ADCY2: variants seen among roughly 807,000 people sequenced by gnomAD.
ADCY2 encodes the protein adenylate cyclase 2, also known as adenylate cyclase type 2.
A neutral mutation model predicts 125.2 loss-of-function variants in ADCY2; 31 were observed. That is an observed-to-expected ratio of 0.25 (90% confidence interval 0.19 to 0.33). The LOEUF is 0.33. Ranked by LOEUF, ADCY2 falls within the 10% of genes least tolerant of loss-of-function variation. The pLI, the probability that ADCY2 is intolerant of heterozygous loss-of-function variation, is 1.00. For synonymous variants in ADCY2, 512 were observed against 548.4 expected, an observed-to-expected ratio of 0.93 and a Z score of 0.93; for missense variants, 904 against 1,418.2, an observed-to-expected ratio of 0.64 and a Z score of 5.82.
At chr5:7,822,214 T>G (rs1204413588) in intron 24 of ADCY2, among the ~76,000 whole-genome samples, 2 of 152,252 alleles carry the variant, frequency 1.3e-5, no homozygotes, top group Non-Finnish European at 2.9e-5. Flanking sequence ...AAGGTTTAGA[T>G]GTAACTTTAA....
chr5:7,522,770 A>G (rs1254173765), intron 3 of ADCY2: 1 of 88,972 alleles, frequency 1.1e-5, no homozygotes, highest in Non-Finnish European at 2.5e-5. Flanking sequence ...AAAAAAAAAA[A>G]AAAAAATTAG....
At position 7,820,786 on chromosome 5, in the gene ADCY2, A is replaced by C; in HGVS notation, c.3123+97A>C. 2.2e-6 allele frequency: 3 copies of C among 1,360,474 alleles called. No homozygotes were observed. The South Asian group carries it at 5.9e-5, about 27-fold the overall frequency. The allele number at this position is 1,360,474 out of a possible 1,614,324, so 84.3% of individuals were successfully genotyped here. A position where few individuals can be genotyped will look rare whatever the true frequency, so the allele number is the denominator to read the frequency against. On this transcript the variant is annotated intron_variant, in intron 24 of 24. Transcript: ENST00000338316. Reference sequence around the variant, plus strand: ...ATAAGGATACTAATATATTAAAACAAAGGAAAAAAGTAAACCTTGAAATTT... The same window carrying C: ...ATAAGGATACTAATATATTAAAACACAGGAAAAAAGTAAACCTTGAAATTT...
At chr5:7,535,902 T>C (rs1734797557) in intron 3 of ADCY2, among the ~76,000 whole-genome samples, 1 of 152,192 alleles carries the variant, frequency 6.6e-6, no homozygotes, top group Non-Finnish European at 1.5e-5. Flanking sequence ...TCTGGAACAA[T>C]AGAGATCACC....
intron 2 of ADCY2, among the ~76,000 whole-genome samples, chr5:7,415,450 G>A (rs115877590): frequency 1.3e-5 from 2 of 152,100 alleles, no homozygotes; most frequent in Admixed American, 6.6e-5. Flanking sequence ...CCACAGTTTC[G>A]ACAACTCAGT....
At chr5:7,409,439 T>C (rs1170558119) in intron 1 of ADCY2, among the ~76,000 whole-genome samples, 1 of 152,206 alleles carries the variant, frequency 6.6e-6, no homozygotes, top group African/African-American at 2.4e-5. Flanking sequence ...ATTCTAAAGG[T>C]TATTCAGAAT....
intron 4 of ADCY2, among the ~76,000 whole-genome samples, chr5:7,631,612 A>T (rs112091719): frequency 0.023 from 3,436 of 152,264 alleles, 133 homozygotes; most frequent in African/African-American, 0.078. Context: ...AAGCATCCAA[A>T]ATGGTATCCT....
intron 20 of ADCY2, among the ~76,000 whole-genome samples, chr5:7,792,204 T>C (rs1744269182): frequency 8.4e-6 from 1 of 119,122 alleles, no homozygotes; most frequent in Admixed American, 1.1e-4. Flanking sequence ...AAACCCCGTC[T>C]CTACTAAAAA....
At chr5:7,466,037 A>G (rs1387250541) in intron 2 of ADCY2, among the ~76,000 whole-genome samples, 1 of 152,214 alleles carries the variant, frequency 6.6e-6, no homozygotes, top group Non-Finnish European at 1.5e-5. Flanking sequence ...ACCTCTTTAA[A>G]ATAGCTTTTC....
chr5:7,677,704 A>G (rs1487898210), intron 4 of ADCY2, among the ~76,000 whole-genome samples: 1 of 152,142 alleles, frequency 6.6e-6, no homozygotes, highest in African/African-American at 2.4e-5. Flanking sequence ...CAATCATGGG[A>G]TTGTTGACAG....
At chr5:7,746,817 A>C (rs545867145) in intron 15 of ADCY2, among the ~76,000 whole-genome samples, 2 of 152,226 alleles carry the variant, frequency 1.3e-5, no homozygotes, top group South Asian at 4.1e-4. Context: ...TTCATAAAGG[A>C]AGCTGAAGAG....
At chr5:7,698,836 T>C (rs1277492515) in intron 7 of ADCY2, among the ~76,000 whole-genome samples, 1 of 152,220 alleles carries the variant, frequency 6.6e-6, no homozygotes, top group Non-Finnish European at 1.5e-5. Context: ...TGAACAGTCC[T>C]GCAATAAACA....
intron 12 of ADCY2, 40 bp from the exon 13 acceptor site, chr5:7,724,505 A>C (rs1307381882): frequency 6.8e-7 from 1 of 1,468,728 alleles, no homozygotes; most frequent in African/African-American, 1.4e-5. Flanking sequence ...GTTTGATTGG[A>C]GATTCAGTTT....
intron 4 of ADCY2, among the ~76,000 whole-genome samples, chr5:7,667,788 C>T (rs755186104): frequency 3.9e-5 from 6 of 152,150 alleles, no homozygotes; most frequent in Admixed American, 1.3e-4. Context: ...ATTTAACCTC[C>T]CTCCCTCTAT....
At chr5:7,697,785 C>T (rs926462579) in intron 6 of ADCY2, among the ~76,000 whole-genome samples, 11 of 152,126 alleles carry the variant, frequency 7.2e-5, no homozygotes, top group African/African-American at 2.7e-4. Context: ...AGGTAAGAAT[C>T]AGCTTTGGAT....
chr5:7,697,507 T>C (rs1740933215), intron 6 of ADCY2, among the ~76,000 whole-genome samples: 1 of 152,178 alleles, frequency 6.6e-6, no homozygotes, highest in Non-Finnish European at 1.5e-5. Context: ...ACTGTAACTG[T>C]CATGTTTTCT....
chr5:7,570,346 T>C (rs1467352437), intron 3 of ADCY2, among the ~76,000 whole-genome samples: 2 of 152,182 alleles, frequency 1.3e-5, no homozygotes, highest in African/African-American at 4.8e-5. Flanking sequence ...TTTAACATCC[T>C]ATAATTTTGT....
intron 11 of ADCY2, among the ~76,000 whole-genome samples, chr5:7,715,406 A>G (rs1741564576): frequency 1.3e-5 from 2 of 152,188 alleles, no homozygotes; most frequent in Non-Finnish European, 2.9e-5. Flanking sequence ...TAGACTTTGC[A>G]GAAGAGAAAG....
intron 2 of ADCY2, among the ~76,000 whole-genome samples, chr5:7,435,132 T>C (rs1015256101): frequency 2.0e-5 from 3 of 152,208 alleles, no homozygotes; most frequent in African/African-American, 7.2e-5. Context: ...AGTATCACTG[T>C]CACACTATGT....
intron 4 of ADCY2, among the ~76,000 whole-genome samples, chr5:7,643,115 C>T (rs1738768913): frequency 6.6e-6 from 1 of 151,592 alleles, no homozygotes; most frequent in Non-Finnish European, 1.5e-5. Flanking sequence ...TTTCTTTAGC[C>T]TTCCCATTCA....
Sources: gnomAD v4.1 joint callset for allele counts (sites outside exome capture counted in the v4.1 genomes callset) on GRCh38, gnomAD v4.1.1 for gene constraint, MANE v1.5 for transcripts, NCBI Gene and HGNC (gene_info 2026-07-23, HGNC 2026-07-21) for gene names.